PMFBP1: variants seen among roughly 807,000 people sequenced by gnomAD.
PMFBP1 encodes polyamine modulated factor 1 binding protein 1.
In PMFBP1, 131 loss-of-function variants were observed where a neutral mutation model predicts 137.8. That is an observed-to-expected ratio of 0.95 (90% CI 0.82 to 1.10). The LOEUF (loss-of-function observed/expected upper bound fraction) is 1.10, where lower values mean the gene tolerates loss of function less well. Ranked by LOEUF, PMFBP1 falls within the 50% of genes least tolerant of loss-of-function variation. The probability of loss-of-function intolerance (pLI) is 0.00; values close to 1 mark genes in which losing one functional copy is unlikely to be tolerated. For synonymous variants in PMFBP1, 490 were observed against 450.4 expected, an observed-to-expected ratio of 1.09 and a Z score of -1.11; for missense variants, 1,199 against 1,175.4, an observed-to-expected ratio of 1.02 and a Z score of -0.29.
Position 72,125,417 on chromosome 16 carries a change from G to A in PMFBP1, c.2254-12C>T, listed in dbSNP as rs2042440853. 1.2e-6 allele frequency: 2 copies of A among 1,607,012 alleles called. No homozygotes were observed. Among genetic ancestry groups the A allele is most frequent in the Admixed American group, 3.5e-5 (2 of 57,934 alleles). On this transcript the variant is annotated splice_polypyrimidine_tract_variant and intron_variant, in intron 15 of 20. Transcript: ENST00000237353. ...GTCACGTGATTGAGCTTCCGGAAAAGACAAAGAGGACGAATGGCTGTCAGA... is the reference window on the plus strand; with the variant it reads ...GTCACGTGATTGAGCTTCCGGAAAAAACAAAGAGGACGAATGGCTGTCAGA...
intron 3 of PMFBP1, among the ~76,000 whole-genome samples, chr16:72,163,495 G>C (rs1202959780): frequency 6.6e-6 from 1 of 152,218 alleles, no homozygotes; most frequent in Non-Finnish European, 1.5e-5. Context: ...CACATGTGTA[G>C]GATCAGTGCT....
In PMFBP1 at chr16:72,132,925, G is replaced by A. The variant is rs780496084; in HGVS notation, c.1270C>T (p.Leu424Phe). The A allele has an allele frequency of 1.2e-5, 19 of 1,614,144 alleles. No individual in the cohort carries two copies. The South Asian group carries it at 2.1e-4, about 18-fold the overall frequency. ...TCCAGCTCCTTCTCCTTTTTCAGGAGGCTGTTCTGAACCTGTGTCAGTTTC... is the reference window on the plus strand; with the variant it reads ...TCCAGCTCCTTCTCCTTTTTCAGGAAGCTGTTCTGAACCTGTGTCAGTTTC... ...EKKLTQVQNS[L>F]LKKEKELEKQ... The change falls in exon 10 of 21, where the codon CTC (leucine) becomes TTC (phenylalanine). Residue 424 changes from leucine (L) to phenylalanine (F), a missense_variant. Physicochemically the swap from Leu to Phe is conservative, Grantham distance 22. Transcript: ENST00000237353.
the PMFBP1 span, among the ~76,000 whole-genome samples, chr16:72,212,226 T>A: frequency 1.3e-5 from 2 of 152,002 alleles, no homozygotes; most frequent in Admixed American, 6.6e-5. Flanking sequence ...GAGGGGATTA[T>A]AGAAGAAAGG....
chr16:72,246,325 G>C, the PMFBP1 span, among the ~76,000 whole-genome samples: 1 of 152,172 alleles, frequency 6.6e-6, no homozygotes, highest in Non-Finnish European at 1.5e-5. Context: ...TCCTACTACA[G>C]CCTAGGTCCT....
the PMFBP1 span, among the ~76,000 whole-genome samples, chr16:72,247,956 C>G: frequency 6.6e-6 from 1 of 152,132 alleles, no homozygotes; most frequent in Non-Finnish European, 1.5e-5. Flanking sequence ...TTTTTCTTTG[C>G]TAACACACTA....
At chr16:72,133,793 T>C (rs2042584327) in intron 9 of PMFBP1, among the ~76,000 whole-genome samples, 1 of 152,054 alleles carries the variant, frequency 6.6e-6, no homozygotes, top group South Asian at 2.1e-4. Flanking sequence ...AGAAAACACC[T>C]GAAACTGGTG....
upstream of PMFBP1, among the ~76,000 whole-genome samples, chr16:72,178,378 T>G (rs1310454604): frequency 1.3e-5 from 2 of 152,182 alleles, no homozygotes; most frequent in East Asian, 1.9e-4. Flanking sequence ...GGGAGATACT[T>G]TAAGAGTATA....
chr16:72,174,337 C>T (rs74462243), upstream of PMFBP1, among the ~76,000 whole-genome samples: 91 of 152,310 alleles, frequency 6.0e-4, 1 homozygote, highest in East Asian at 0.014. Context: ...GAAAGCACCA[C>T]GACTTTCAGG....
chr16:72,239,818 G>A, the PMFBP1 span, among the ~76,000 whole-genome samples: 319 of 148,780 alleles, frequency 2.1e-3, 1 homozygote, highest in South Asian at 4.7e-3. Flanking sequence ...CCCAGGAGGC[G>A]GAGGTTGCAG....
Position 72,150,680 on chromosome 16 carries a change from G to T in PMFBP1, c.564C>A (p.Ser188=), listed in dbSNP as rs777270083. ...ATTCTAGTAACTCGATGTTGCTCAG[G>T]GAAGACTGGTATTTATCCCTGTAGA... ...LNLYRDKYQS[S]LSNIELLECQ... Residue 188 remains serine (S), a synonymous_variant, in exon 5 of 21, where the codon TCC becomes TCA. Coordinates refer to ENST00000237353, the MANE Select transcript of PMFBP1 (RefSeq NM_031293.3). 6.2e-7 allele frequency: 1 copy of T among 1,614,118 alleles called. No homozygotes were observed. The highest frequency in any genetic ancestry group is 1.1e-5 in the South Asian group (1 of 91,074).
At chr16:72,237,480 T>A in the PMFBP1 span, among the ~76,000 whole-genome samples, 6 of 152,270 alleles carry the variant, frequency 3.9e-5, no homozygotes, top group African/African-American at 1.4e-4. Context: ...GGAGGAGGGT[T>A]GAAATCTTAA....
At chr16:72,198,982 A>G in the PMFBP1 span, among the ~76,000 whole-genome samples, 5 of 152,186 alleles carry the variant, frequency 3.3e-5, no homozygotes, top group Non-Finnish European at 7.3e-5. Flanking sequence ...GCCCCTTTTA[A>G]GTGATTTGTC....
the PMFBP1 span, among the ~76,000 whole-genome samples, chr16:72,201,651 C>T: frequency 1.3e-5 from 2 of 152,238 alleles, no homozygotes; most frequent in East Asian, 1.9e-4. Flanking sequence ...CATTGCAGTG[C>T]ATTTCCCACT....
At chr16:72,241,880 A>G in the PMFBP1 span, among the ~76,000 whole-genome samples, 2 of 152,208 alleles carry the variant, frequency 1.3e-5, no homozygotes, top group African/African-American at 2.4e-5. Context: ...TTTAACTAAG[A>G]CATTTCCTCC....
chr16:72,160,736 C>T (rs139076825), intron 3 of PMFBP1, among the ~76,000 whole-genome samples: 338 of 152,118 alleles, frequency 2.2e-3, no homozygotes, highest in Non-Finnish European at 3.4e-3. Flanking sequence ...TAACACTGTC[C>T]GGGCCATAGC....
chr16:72,166,475 A>T (rs1422277090), intron 2 of PMFBP1, among the ~76,000 whole-genome samples: 1 of 152,170 alleles, frequency 6.6e-6, no homozygotes, highest in Non-Finnish European at 1.5e-5. Flanking sequence ...TCTTTATGGC[A>T]GTGTGAAAAT....
At chr16:72,120,354 C>T (rs979626658) in intron 19 of PMFBP1, among the ~76,000 whole-genome samples, 3 of 152,144 alleles carry the variant, frequency 2.0e-5, no homozygotes, top group South Asian at 2.1e-4. Context: ...ATCTGTCAGA[C>T]GGGGACAGTC....
chr16:72,122,091 CTTTGTG>C (rs2042384927), intron 19 of PMFBP1, among the ~76,000 whole-genome samples: 1 of 152,142 alleles, frequency 6.6e-6, no homozygotes, highest in African/African-American at 2.4e-5. Context: ...TTGTTTCCTT[CTTTGTG>C]TTCCTAAGTT....
chr16:72,154,080 G>A lies in PMFBP1; in HGVS notation c.414+131C>T. On this transcript the variant is annotated intron_variant, in intron 4 of 20. Transcript: ENST00000237353. ...TCAAAAAGATCAAGAATTAAAGGGG[G>A]AAGGTTTATAAAACCTGCTCGGGAT... is the stretch of plus-strand genomic sequence containing the variant. 2.5e-6 allele frequency: 3 copies of A among 1,207,378 alleles called. No individual in the cohort carries two copies. The South Asian group carries it at 4.5e-5, about 18-fold the overall frequency. The allele number at this position is 1,207,378 out of a possible 1,614,324, so 74.8% of individuals were successfully genotyped here.
Sources: allele counts gnomAD v4.1 joint callset (sites outside exome capture counted in the v4.1 genomes callset), GRCh38; gene constraint gnomAD v4.1.1; transcripts MANE v1.5; gene names NCBI Gene and HGNC (gene_info 2026-07-23, HGNC 2026-07-21).